TRABD: variants seen among roughly 807,000 people sequenced by gnomAD.
TRABD encodes the protein TraB domain containing.
In TRABD, 23 loss-of-function variants were observed where a neutral mutation model predicts 39.6. That is an observed-to-expected ratio of 0.58 (90% CI 0.42 to 0.82). The LOEUF is 0.82. Among genes scored for constraint, TRABD ranks in the 40% least tolerant of loss-of-function variants. The pLI is 0.00. For missense variants in TRABD, 487 were observed against 544.9 expected (o/e 0.89, Z 1.06); for synonymous variants, 243 against 232.1 (o/e 1.05, Z -0.43).
At position 50,198,515 on chromosome 22, in the gene TRABD, A is replaced by G; in HGVS notation, c.1127A>G (p.Lys376Arg). The G allele has an allele frequency of 3.2e-6, 5 of 1,555,528 alleles. No homozygotes were observed. The highest frequency in any genetic ancestry group is 4.3e-6 in the Non-Finnish European group (5 of 1,157,530). The change falls in exon 10 of 10, where the codon AAG (lysine) becomes AGG (arginine). Residue 376 changes from lysine (K) to arginine (R), a missense_variant. Around this residue, in one of 3 missense-constraint regions of TRABD, gnomAD observed 123 missense variants for 108.3 expected, o/e 1.14. Transcript: ENST00000380909. The surrounding 1 kb of genome is among the most constrained non-coding windows in gnomAD (Gnocchi z 7.9). ...CAGAGGGTGACCGAGGCCCGGCACA[A>G]GTAGGAGACTGCTCCCCGCCCGCTC... ...CLQRVTEARH[K>R]
In TRABD at chr22:50,195,121, G is replaced by A. The variant is rs1353132760; in HGVS notation, c.420+81G>A. On this transcript the variant is annotated intron_variant, in intron 5 of 9. Coordinates refer to ENST00000380909, the MANE Select transcript of TRABD (RefSeq NM_001320485.2). ...GCCTGTTGCCCAGGTTCCTCTCACA[G>A]CCCATGCCCCCAGTCAGTGTGGCTG... 6 of 1,470,194 alleles carry A rather than the reference G, an allele frequency of 4.1e-6. No homozygotes were observed. The African/African-American group carries it at 7.0e-5, about 17-fold the overall frequency. 91.1% of individuals were successfully genotyped at this position (1,470,194 alleles called of 1,614,324 possible).
At chr22:50,186,276 C>T (rs2063754543) in intron 1 of TRABD, among the ~76,000 whole-genome samples, 1 of 113,680 alleles carries the variant, frequency 8.8e-6, no homozygotes, top group African/African-American at 3.5e-5. Flanking sequence ...CGTTGGGGGC[C>T]GGGCCCGGGT....
intron 1 of TRABD, 150 bp from the exon 2 acceptor site, chr22:50,192,877 T>G: frequency 1.8e-6 from 1 of 554,694 alleles, no homozygotes; most frequent in Non-Finnish European, 2.9e-6. Context: ...TCAGCAGCCT[T>G]TGATGGGCAG....
intron 2 of TRABD, 89 bp downstream of exon 2, chr22:50,193,182 T>C: frequency 7.1e-7 from 1 of 1,416,894 alleles, no homozygotes; most frequent in Non-Finnish European, 9.3e-7. Context: ...CTGGCTGTTG[T>C]TCTGCAAAGG....
rs373035405 is a variant in TRABD, at chr22:50,194,396, C to T, written c.169C>T (p.Arg57Trp). Residue 57 changes from arginine (R) to tryptophan (W), a missense_variant, in exon 4 of 10, where the codon CGG becomes TGG. This residue lies in a region of TRABD where 358 missense variants were observed against 414.7 expected (regional missense o/e 0.86). Transcript: ENST00000380909. ...LEMKLKRRRQ[R>W]PNLPRTVTQL... ...GATGAAGCTGAAGCGGCGGCGTCAG[C>T]GGCCCAACCTGCCGCGCACTGTGAC... is the stretch of plus-strand genomic sequence containing the variant. 2.7e-5 allele frequency: 43 copies of T among 1,612,650 alleles called. No individual in the cohort carries two copies. The highest frequency in any genetic ancestry group is 1.9e-4 in the African/African-American group (14 of 74,932).
intron 1 of TRABD, chr22:50,191,963 A>G (rs113777036): frequency 0.035 from 5,289 of 152,196 alleles, 238 homozygotes; most frequent in African/African-American, 0.1. Flanking sequence ...AGGATGGTCT[A>G]TGTTGGCCAG....
Position 50,194,483 on chromosome 22 carries a change from G to C in TRABD, c.256G>C (p.Asp86His). The change falls in exon 4 of 10, where the codon GAC becomes CAC. Residue 86 changes from aspartate to histidine, a missense_variant. Coordinates refer to ENST00000380909, the MANE Select transcript of TRABD (RefSeq NM_001320485.2). The part of the protein sequence containing the change: ...YVVGTAHFSD[D>H]SKRDVVKTIR... ...GGTGGGGACAGCCCACTTCAGCGACGACAGCAAGAGGGACGTTGTGAAGGT... is the reference window on the plus strand; with the variant it reads ...GGTGGGGACAGCCCACTTCAGCGACCACAGCAAGAGGGACGTTGTGAAGGT... 1 of 1,593,242 alleles carries C rather than the reference G, an allele frequency of 6.3e-7. No individual in the cohort carries two copies. Among genetic ancestry groups the C allele is most frequent in the Non-Finnish European group, 8.5e-7 (1 of 1,170,302 alleles).
intron 1 of TRABD, among the ~76,000 whole-genome samples, chr22:50,189,648 G>T (rs768439403): frequency 7.2e-5 from 11 of 152,252 alleles, no homozygotes; most frequent in Non-Finnish European, 1.3e-4. Flanking sequence ...GGGCCTGAGC[G>T]TATCTGAAAA....
chr22:50,194,207 C>A, intron 3 of TRABD, 133 bp from the exon 4 acceptor site: 1 of 1,139,134 alleles, frequency 8.8e-7, no homozygotes, highest in South Asian at 1.6e-5. Flanking sequence ...GTGTGACGCT[C>A]GTCAGGAGTC....
intron 1 of TRABD, among the ~76,000 whole-genome samples, chr22:50,189,650 AT>A (rs774651456): frequency 1.5e-4 from 23 of 152,230 alleles, no homozygotes; most frequent in Non-Finnish European, 3.1e-4. Flanking sequence ...GCCTGAGCGT[AT>A]CTGAAAAGGA....
chr22:50,186,128 C>T (rs2063749785), intron 1 of TRABD, 152 bp downstream of exon 1: 1 of 114,950 alleles, frequency 8.7e-6, no homozygotes, highest in Non-Finnish European at 1.9e-5. Context: ...GGGGGTCAGG[C>T]CCGGGTCAGG....
chr22:50,199,077 A>G lies in TRABD; in HGVS notation c.*558A>G. On this transcript the variant is annotated 3_prime_UTR_variant, in exon 10 of 10. Coordinates refer to ENST00000380909, the MANE Select transcript of TRABD (RefSeq NM_001320485.2). ...GGATTCTGTGTTTTTGGCTTTTTTA[A>G]TGTCTTAAAATCTTTTACTCAGGTA... 1 of 713,762 alleles carries G rather than the reference A, an allele frequency of 1.4e-6. No individual in the cohort carries two copies. The highest frequency in any genetic ancestry group is 2.6e-6 in the Non-Finnish European group (1 of 383,230). The allele number at this position is 713,762 out of a possible 1,614,324, so 44.2% of individuals were successfully genotyped here.
At chr22:50,193,738 A>AGGGGCTT in intron 3 of TRABD, 84 bp downstream of exon 3, 1 of 1,347,208 alleles carries the variant, frequency 7.4e-7, no homozygotes, top group Middle Eastern at 1.9e-4. Context: ...AACCACTGCC[A>AGGGGCTT]GGGGCTTGGA....
chr22:50,198,672 C>T lies in TRABD; in HGVS notation c.*153C>T. The T allele has an allele frequency of 1.5e-6, 1 of 685,636 alleles. No homozygotes were observed. Among genetic ancestry groups the T allele is most frequent in the South Asian group, 2.1e-5 (1 of 46,872 alleles). 42.5% of individuals were successfully genotyped at this position (685,636 alleles called of 1,614,324 possible). On this transcript the variant is annotated 3_prime_UTR_variant, in exon 10 of 10. Coordinates refer to ENST00000380909, the MANE Select transcript of TRABD (RefSeq NM_001320485.2). The surrounding 1 kb of genome is among the most constrained non-coding windows in gnomAD (Gnocchi z 7.9). ...CTGCCCTCCTGGGCCAGTCACCCCT[C>T]CCCCAGCCCACCCAAATAAAGGATT...
chr22:50,193,713 G>A, intron 3 of TRABD, 59 bp downstream of exon 3: 4 of 1,550,844 alleles, frequency 2.6e-6, no homozygotes, highest in Non-Finnish European at 3.6e-6. Flanking sequence ...AGTCAGGGAG[G>A]AGGGGGAGGC....
Position 50,193,637 on chromosome 22 carries a change from G to A in TRABD, c.95G>A (p.Gly32Glu). The change falls in exon 3 of 10, where the codon GGA becomes GAA. Residue 32 changes from glycine to glutamate, a missense_variant. By Grantham distance (98) the Gly-to-Glu change is moderately conservative. Transcript: ENST00000380909. ...ASEPVPRVLS[G>E]DPQNLSDVDA... Reference sequence around the variant, plus strand: ...GAGCCGGTGCCCAGGGTGCTTTCTGGAGACCCCCAGAACCTGTGTACGTGT... The same window carrying A: ...GAGCCGGTGCCCAGGGTGCTTTCTGAAGACCCCCAGAACCTGTGTACGTGT... 1 of 1,613,788 alleles carries A rather than the reference G, an allele frequency of 6.2e-7. No homozygotes were observed. The highest frequency in any genetic ancestry group is 1.6e-4 in the Middle Eastern group (1 of 6,062).
Position 50,195,104 on chromosome 22 carries a change from C to T in TRABD, c.420+64C>T, listed in dbSNP as rs1169247306. 8 of 1,491,640 alleles carry T rather than the reference C, an allele frequency of 5.4e-6. No homozygotes were observed. The East Asian group carries it at 7.4e-5, about 14-fold the overall frequency. The allele number at this position is 1,491,640 out of a possible 1,614,324, so 92.4% of individuals were successfully genotyped here. A position where few individuals can be genotyped will look rare whatever the true frequency, so the allele number is the denominator to read the frequency against. The stretch of plus-strand genomic sequence containing the variant: ...GTCAAAGCCACCTGTTTGCCTGTTG[C>T]CCAGGTTCCTCTCACAGCCCATGCC... On this transcript the variant is annotated intron_variant, in intron 5 of 9. Transcript: ENST00000380909.
intron 5 of TRABD, chr22:50,196,903 C>T (rs9628304): frequency 0.38 from 88,149 of 232,726 alleles, 17,178 homozygotes; most frequent in African/African-American, 0.43. Flanking sequence ...CCATGTTGGC[C>T]AGGCTGGTCT....
In TRABD at chr22:50,194,561, C is replaced by T. The variant is rs2064030060; in HGVS notation, c.279+55C>T. 2.6e-6 allele frequency: 4 copies of T among 1,549,984 alleles called. No individual in the cohort carries two copies. The South Asian group carries it at 3.6e-5, about 14-fold the overall frequency. On this transcript the variant is annotated intron_variant, in intron 4 of 9. Transcript: ENST00000380909. ...CACGGGTTGGTGTAAGCTCCTGTGT[C>T]CTGCACTCAGGGACCTCCCGGCAGG...
Sources: allele counts gnomAD v4.1 joint callset (sites outside exome capture counted in the v4.1 genomes callset), GRCh38; gene constraint gnomAD v4.1.1; regional missense constraint gnomAD v4.1.1; non-coding constraint Gnocchi (gnomAD v3.1); transcripts MANE v1.5; gene names NCBI Gene and HGNC (gene_info 2026-07-23, HGNC 2026-07-21).